The following CBFA2T2 variants were observed in gnomAD, a reference collection of about 807,000 sequenced individuals.
The protein encoded by CBFA2T2 is CBFA2/RUNX1 partner transcriptional co-repressor 2.
Under a neutral mutation model 62.2 loss-of-function variants are expected in CBFA2T2, and 11 were observed. The observed-to-expected ratio is 0.18, with a 90% confidence interval of 0.11 to 0.29. CBFA2T2 has a LOEUF of 0.29. Among genes scored for constraint, CBFA2T2 ranks in the 10% least tolerant of loss-of-function variants. The probability of loss-of-function intolerance (pLI) is 1.00; values close to 1 mark genes in which losing one functional copy is unlikely to be tolerated. For synonymous variants in CBFA2T2, 295 were observed against 287.5 expected (o/e 1.03, Z -0.27); for missense variants, 592 against 774.1 (o/e 0.76, Z 2.79).
chr20:33,568,396 C>T (rs1452685938), intron 1 of CBFA2T2, among the ~76,000 whole-genome samples: 2 of 152,102 alleles, frequency 1.3e-5, no homozygotes, highest in Admixed American at 6.5e-5. Flanking sequence ...GAGAAGGGTG[C>T]GTGTAGAGAA....
intron 1 of CBFA2T2, among the ~76,000 whole-genome samples, chr20:33,495,386 C>CAAAA (rs1214253879): frequency 1.9e-5 from 1 of 53,372 alleles, no homozygotes; most frequent in Non-Finnish European, 3.9e-5. Context: ...AACTCTATCT[C>CAAAA]AAAAAAAAAA....
At chr20:33,535,608 A>AT (rs1294694800) in intron 1 of CBFA2T2, among the ~76,000 whole-genome samples, 2 of 135,136 alleles carry the variant, frequency 1.5e-5, no homozygotes, top group African/African-American at 2.8e-5. Context: ...TTTTATTTTT[A>AT]TTTTTTTATT....
rs935451864 is a variant in CBFA2T2, at chr20:33,624,620, C to T, written c.693-144C>T. The T allele has an allele frequency of 9.5e-6, 8 of 844,518 alleles. No individual in the cohort carries two copies. The African/African-American group carries it at 1.0e-4, about 11-fold the overall frequency. 52.3% of individuals were successfully genotyped at this position (844,518 alleles called of 1,614,324 possible). On this transcript the variant is annotated intron_variant, in intron 5 of 10. Transcript: ENST00000342704. The stretch of plus-strand genomic sequence containing the variant: ...CCTGGCCCTTGAAGACAATTCAGCT[C>T]ATGCCTCATGTCACACCTTTCCTTA...
intron 1 of CBFA2T2, among the ~76,000 whole-genome samples, chr20:33,516,359 A>G (rs771374456): frequency 2.0e-5 from 3 of 152,140 alleles, no homozygotes; most frequent in Non-Finnish European, 4.4e-5. Flanking sequence ...AATTCCAGCT[A>G]CTCAGGAGGC....
At chr20:33,499,998 C>T (rs972830388) in intron 1 of CBFA2T2, among the ~76,000 whole-genome samples, 1 of 152,008 alleles carries the variant, frequency 6.6e-6, no homozygotes, top group African/African-American at 2.4e-5. Flanking sequence ...CAGTCTCTGT[C>T]GCTCAGGCTG....
At chr20:33,541,386 C>A (rs746066771) in intron 1 of CBFA2T2, among the ~76,000 whole-genome samples, 7 of 152,200 alleles carry the variant, frequency 4.6e-5, no homozygotes, top group Non-Finnish European at 1.0e-4. Context: ...TGGTTGGAGA[C>A]CAGCGGGTCA....
chr20:33,564,086 G>C (rs574808049), intron 1 of CBFA2T2, among the ~76,000 whole-genome samples: 1 of 151,878 alleles, frequency 6.6e-6, no homozygotes, highest in South Asian at 2.1e-4. Flanking sequence ...TACAAGTCAC[G>C]CAAAAATTCT....
intron 7 of CBFA2T2, 107 bp from the exon 8 acceptor site, chr20:33,629,612 C>A: frequency 1.0e-6 from 1 of 994,674 alleles, no homozygotes; most frequent in Non-Finnish European, 1.5e-6. Context: ...ATTCCTAAAT[C>A]TGTACTTTAA....
intron 2 of CBFA2T2, among the ~76,000 whole-genome samples, chr20:33,608,044 G>T (rs543227758): frequency 2.2e-4 from 34 of 152,338 alleles, no homozygotes; most frequent in Middle Eastern, 3.4e-3. Flanking sequence ...ATGCTGGTTG[G>T]AGTGTAATTT....
At chr20:33,573,148 A>G (rs987382041) in intron 1 of CBFA2T2, among the ~76,000 whole-genome samples, 4 of 152,214 alleles carry the variant, frequency 2.6e-5, no homozygotes, top group African/African-American at 9.7e-5. Flanking sequence ...TATTGGAGTT[A>G]CATCAATGAG....
At chr20:33,564,602 G>T (rs1232376007) in intron 1 of CBFA2T2, among the ~76,000 whole-genome samples, 7 of 151,398 alleles carry the variant, frequency 4.6e-5, no homozygotes, top group Admixed American at 4.6e-4. Context: ...TTTGGGACAT[G>T]GTCTCAAACT....
At chr20:33,640,702 C>T (rs2016800831) in intron 10 of CBFA2T2, among the ~76,000 whole-genome samples, 171 bp downstream of exon 10, 1 of 152,128 alleles carries the variant, frequency 6.6e-6, no homozygotes, top group African/African-American at 2.4e-5. Context: ...GACTCTTTTA[C>T]ATGCCAAGAT....
At chr20:33,616,342 G>A (rs985754027) in intron 3 of CBFA2T2, among the ~76,000 whole-genome samples, 2 of 152,126 alleles carry the variant, frequency 1.3e-5, no homozygotes, top group South Asian at 2.1e-4. Flanking sequence ...TATAAACCAG[G>A]AGGATAAAGA....
chr20:33,623,079 G>A, intron 4 of CBFA2T2, 36 bp from the exon 5 acceptor site: 1 of 1,610,530 alleles, frequency 6.2e-7, no homozygotes, highest in South Asian at 1.1e-5. Context: ...TCTTGTGTAG[G>A]GCCTAACACT....
intron 1 of CBFA2T2, among the ~76,000 whole-genome samples, chr20:33,514,832 G>A (rs933036729): frequency 1.4e-4 from 22 of 151,924 alleles, no homozygotes; most frequent in Admixed American, 5.9e-4. Context: ...GAGTAGCTGG[G>A]ACTACTGGTG....
At chr20:33,593,537 C>T (rs1430759000) in intron 1 of CBFA2T2, among the ~76,000 whole-genome samples, 1 of 151,392 alleles carries the variant, frequency 6.6e-6, no homozygotes, top group African/African-American at 2.4e-5. Flanking sequence ...GGATTACAGG[C>T]ACCTGCCACC....
chr20:33,628,779 TA>T (rs2016345406), intron 7 of CBFA2T2, among the ~76,000 whole-genome samples: 2 of 152,160 alleles, frequency 1.3e-5, no homozygotes, highest in Non-Finnish European at 2.9e-5. Context: ...TACTTAATGC[TA>T]CCAATAATTA....
At chr20:33,627,733 A>G (rs1184925126) in intron 6 of CBFA2T2, among the ~76,000 whole-genome samples, 2 of 152,246 alleles carry the variant, frequency 1.3e-5, no homozygotes, top group Non-Finnish European at 2.9e-5. Context: ...GTCACTATGA[A>G]TATTATGACT....
chr20:33,560,813 G>C (rs1243196508), intron 1 of CBFA2T2, among the ~76,000 whole-genome samples: 2 of 152,144 alleles, frequency 1.3e-5, no homozygotes, highest in East Asian at 3.9e-4. Context: ...TAGGATATGT[G>C]TCATGTAATG....
Sources: allele counts gnomAD v4.1 joint callset (sites outside exome capture counted in the v4.1 genomes callset), GRCh38; gene constraint gnomAD v4.1.1; transcripts MANE v1.5; gene names NCBI Gene and HGNC (gene_info 2026-07-23, HGNC 2026-07-21).